MDGA2: variants seen among roughly 807,000 people sequenced by gnomAD.
The protein encoded by MDGA2 is MAM domain containing glycosylphosphatidylinositol anchor 2, also known as MAM domain-containing glycosylphosphatidylinositol anchor protein 2.
Under a neutral mutation model 117.8 loss-of-function variants are expected in MDGA2, and 40 were observed. The observed-to-expected ratio is 0.34, with a 90% CI of 0.26 to 0.44. The LOEUF (loss-of-function observed/expected upper bound fraction) is 0.44. Among genes scored for constraint, MDGA2 ranks in the 20% least tolerant of loss-of-function variants. MDGA2 has a pLI of 1.00. For missense variants in MDGA2, 1,123 were observed against 1,250.6 expected (o/e 0.90, Z 1.54); for synonymous variants, 452 against 439.0 (o/e 1.03, Z -0.37).
intron 8 of MDGA2, among the ~76,000 whole-genome samples, chr14:46,971,966 T>G (rs990641367): frequency 6.6e-6 from 1 of 152,182 alleles, no homozygotes; most frequent in African/African-American, 2.4e-5. Flanking sequence ...AAGTAAAACC[T>G]ACTGTATAAT....
intron 1 of MDGA2, among the ~76,000 whole-genome samples, chr14:47,482,249 A>G (rs1295148033): frequency 6.6e-6 from 1 of 152,048 alleles, no homozygotes; most frequent in East Asian, 1.9e-4. Flanking sequence ...GAAATTTAGG[A>G]AAAGAGGAAT....
intron 3 of MDGA2, among the ~76,000 whole-genome samples, chr14:47,179,444 C>T (rs1259255684): frequency 6.6e-6 from 1 of 151,846 alleles, no homozygotes; most frequent in Non-Finnish European, 1.5e-5. Context: ...TGTATTATTG[C>T]AAGTAAACTA....
intron 5 of MDGA2, among the ~76,000 whole-genome samples, chr14:47,119,073 C>T (rs1295764634): frequency 5.3e-5 from 7 of 130,908 alleles, no homozygotes; most frequent in East Asian, 4.5e-4. Flanking sequence ...TTTTTTGAGA[C>T]GGAGTCTCGC....
chr14:47,631,503 C>T (rs1167829107), intron 1 of MDGA2, among the ~76,000 whole-genome samples: 1 of 152,188 alleles, frequency 6.6e-6, no homozygotes, highest in Admixed American at 6.5e-5. Context: ...CCTATCCCAA[C>T]AAAGCCAAAT....
At chr14:47,167,492 C>G (rs1883934562) in intron 3 of MDGA2, among the ~76,000 whole-genome samples, 1 of 151,848 alleles carries the variant, frequency 6.6e-6, no homozygotes, top group Admixed American at 6.6e-5. Flanking sequence ...AGAAATTTTC[C>G]AGGAAGAAAA....
chr14:46,897,051 T>A (rs1883103803), intron 10 of MDGA2, among the ~76,000 whole-genome samples: 1 of 152,144 alleles, frequency 6.6e-6, no homozygotes, highest in Admixed American at 6.6e-5. Context: ...GCCTCCCAAA[T>A]GGCACAAAGT....
rs1881651980 is a variant in MDGA2 at position 47,121,523 on chromosome 14, C to T, written c.925+10191G>A. 2.0e-5 allele frequency among the ~76,000 whole-genome samples: 3 copies of T among 152,058 alleles called. No homozygotes were observed. The South Asian group carries it at 6.2e-4, about 32-fold the overall frequency. ...TAGTAGATAGATTATATCATTGATA[C>T]TTTTCACTAAATAAGAAAGAAAAAG... On this transcript the variant is annotated intron_variant, in intron 5 of 16. Transcript: ENST00000399232.
chr14:47,505,205 G>A (rs1247020399), intron 1 of MDGA2, among the ~76,000 whole-genome samples: 3 of 152,122 alleles, frequency 2.0e-5, no homozygotes, highest in African/African-American at 7.2e-5. Flanking sequence ...GTCAGAAAGG[G>A]GAGAGGGAAG....
At chr14:47,100,467 C>A (rs549137388) in intron 5 of MDGA2, among the ~76,000 whole-genome samples, 2 of 152,248 alleles carry the variant, frequency 1.3e-5, no homozygotes, top group South Asian at 4.1e-4. Context: ...TAAGGTTAAA[C>A]ATGGAAGGTC....
At chr14:47,644,212 G>C (rs1399189068) in intron 1 of MDGA2, among the ~76,000 whole-genome samples, 5 of 152,068 alleles carry the variant, frequency 3.3e-5, no homozygotes, top group Non-Finnish European at 7.4e-5. Flanking sequence ...ATGGCAAAGA[G>C]AACTTTGAAA....
intron 5 of MDGA2, among the ~76,000 whole-genome samples, chr14:47,103,554 T>C (rs1288724195): frequency 6.6e-6 from 1 of 152,242 alleles, no homozygotes; most frequent in Non-Finnish European, 1.5e-5. Flanking sequence ...TATTTGAAAT[T>C]GTATTCATAA....
chr14:46,957,771 A>C, intron 8 of MDGA2, 128 bp from the exon 9 acceptor site: 1 of 1,057,532 alleles, frequency 9.5e-7, no homozygotes, highest in Non-Finnish European at 1.3e-6. Context: ...AGGTGAATGA[A>C]GAACATATTT....
intron 1 of MDGA2, among the ~76,000 whole-genome samples, chr14:47,673,623 A>C (rs1898114679): frequency 9.8e-6 from 1 of 102,326 alleles, no homozygotes. Context: ...ACTATTAACT[A>C]TGACCTGGAT....
chr14:46,977,098 C>T (rs542314406), intron 8 of MDGA2, among the ~76,000 whole-genome samples: 20 of 151,838 alleles, frequency 1.3e-4, no homozygotes, highest in Non-Finnish European at 2.5e-4. Flanking sequence ...TAGATATTTA[C>T]AGTTATGCTT....
intron 1 of MDGA2, among the ~76,000 whole-genome samples, chr14:47,438,630 C>T (rs1276865930): frequency 6.6e-6 from 1 of 152,118 alleles, no homozygotes; most frequent in Non-Finnish European, 1.5e-5. Context: ...CAGCTCTATC[C>T]CTGCAGCTGC....
chr14:47,058,582 A>G (rs140534763), intron 7 of MDGA2: 24 of 984,958 alleles, frequency 2.4e-5, no homozygotes, highest in African/African-American at 5.2e-5. Context: ...GAATACACCT[A>G]TTTTCATATT....
intron 2 of MDGA2, among the ~76,000 whole-genome samples, chr14:47,246,802 A>AACACACACACACACACACACAC (rs34773547): frequency 4.2e-4 from 60 of 141,848 alleles, no homozygotes; most frequent in East Asian, 1.3e-3. Context: ...CAGGTAATGA[A>AACACACACACACACACACACAC]ACACACACAC....
At chr14:46,979,003 C>T (rs1199193077) in intron 8 of MDGA2, among the ~76,000 whole-genome samples, 1 of 152,016 alleles carries the variant, frequency 6.6e-6, no homozygotes, top group African/African-American at 2.4e-5. Flanking sequence ...GAATTTTTTA[C>T]AAATTGAAGA....
intron 8 of MDGA2, among the ~76,000 whole-genome samples, chr14:46,977,448 T>C (rs1886507796): frequency 6.6e-6 from 1 of 151,914 alleles, no homozygotes; most frequent in South Asian, 2.1e-4. Context: ...CCTAACTATA[T>C]TAGTAAGTAA....
Sources: allele counts gnomAD v4.1 joint callset (sites outside exome capture counted in the v4.1 genomes callset), GRCh38; gene constraint gnomAD v4.1.1; transcripts MANE v1.5; gene names NCBI Gene and HGNC (gene_info 2026-07-23, HGNC 2026-07-21).